Variants in PIGN observed in about 807,000 individuals in gnomAD.
PIGN encodes phosphatidylinositol glycan anchor biosynthesis class N, also known as GPI ethanolamine phosphate transferase 1.
In PIGN, 117 loss-of-function variants were observed where a neutral mutation model predicts 125.4. The observed-to-expected ratio is 0.93, with a 90% CI of 0.80 to 1.09. The LOEUF (loss-of-function observed/expected upper bound fraction) is 1.09. PIGN is among the 50% of genes least tolerant of loss of function. The pLI is 0.00. For missense variants in PIGN, 1,075 were observed against 1,094.9 expected, an observed-to-expected ratio of 0.98 and a Z score of 0.26; for synonymous variants, 392 against 377.8, an observed-to-expected ratio of 1.04 and a Z score of -0.44.
At chr18:62,167,075 A>T (rs761632548) in intron 1 of PIGN, among the ~76,000 whole-genome samples, 4 of 152,200 alleles carry the variant, frequency 2.6e-5, no homozygotes, top group Non-Finnish European at 5.9e-5. Flanking sequence ...AATAAAAAAT[A>T]AAATAAATAT....
At chr18:62,161,512 T>TTG in intron 3 of PIGN, 127 bp from the exon 4 acceptor site, 1 of 540,036 alleles carries the variant, frequency 1.9e-6, no homozygotes, top group Non-Finnish European at 3.3e-6. Context: ...CAACTTTACT[T>TTG]TCATTTGTGG....
intron 7 of PIGN, chr18:62,153,381 C>A (rs190679743): frequency 6.6e-6 from 1 of 151,938 alleles, no homozygotes; most frequent in Admixed American, 6.6e-5. Flanking sequence ...TGTTCACTAC[C>A]GTGTCAAGAC....
chr18:62,070,557 G>T lies in PIGN; in HGVS notation c.2672+2116C>A, dbSNP rs1480876513. ...GGATGTTTAACACATGGTGTCTCCT[G>T]CAAACCCATACAATTCCTGGCAACA... is the stretch of plus-strand genomic sequence containing the variant. On this transcript the variant is annotated intron_variant, in intron 30 of 30. Coordinates refer to ENST00000640252, the MANE Select transcript of PIGN (RefSeq NM_176787.5). 6 of 397,496 alleles carry T rather than the reference G, an allele frequency of 1.5e-5. No individual in the cohort carries two copies. The Admixed American group carries it at 2.6e-4, about 18-fold the overall frequency. 24.6% of individuals were successfully genotyped at this position (397,496 alleles called of 1,614,324 possible). A position where few individuals can be genotyped will look rare whatever the true frequency, so the allele number is the denominator to read the frequency against.
intron 1 of PIGN, among the ~76,000 whole-genome samples, chr18:62,170,875 C>T (rs2037322874): frequency 6.6e-6 from 1 of 152,184 alleles, no homozygotes; most frequent in Admixed American, 6.5e-5. Flanking sequence ...AGTCTTATTG[C>T]TGATATGAAG....
At chr18:62,021,794 G>T (rs994664178) in intron 23 of PIGN, among the ~76,000 whole-genome samples, 1 of 152,050 alleles carries the variant, frequency 6.6e-6, no homozygotes, top group African/African-American at 2.4e-5. Flanking sequence ...CAGAAGTTTG[G>T]GCATGGCAAG....
intron 30 of PIGN, among the ~76,000 whole-genome samples, chr18:62,059,689 G>T (rs1229888171): frequency 6.6e-6 from 1 of 152,108 alleles, no homozygotes; most frequent in Non-Finnish European, 1.5e-5. Context: ...GGTATTTTCT[G>T]TGTGATGGAA....
At chr18:62,068,989 T>C (rs2032686985) in intron 30 of PIGN, among the ~76,000 whole-genome samples, 1 of 152,204 alleles carries the variant, frequency 6.6e-6, no homozygotes, top group African/African-American at 2.4e-5. Flanking sequence ...CCATATGGCC[T>C]GCTCACGGAT....
At chr18:62,034,705 C>G (rs1450249343) in intron 23 of PIGN, among the ~76,000 whole-genome samples, 2 of 152,188 alleles carry the variant, frequency 1.3e-5, no homozygotes, top group Non-Finnish European at 2.9e-5. Flanking sequence ...CCATTTGAAA[C>G]AGGTGTATTT....
chr18:62,046,007 G>A (rs2030650681), intron 30 of PIGN, 28 bp from the exon 31 acceptor site: 4 of 1,604,220 alleles, frequency 2.5e-6, no homozygotes, highest in Non-Finnish European at 2.6e-6. Flanking sequence ...GATGTTACAG[G>A]CAGAGAGAAC....
intron 7 of PIGN, among the ~76,000 whole-genome samples, chr18:62,153,129 A>T (rs1384746858): frequency 1.3e-5 from 2 of 152,072 alleles, no homozygotes; most frequent in African/African-American, 4.8e-5. Flanking sequence ...GGCCTGCAAT[A>T]CCTTTCCATA....
chr18:62,072,118 A>T (rs2032914687), intron 30 of PIGN, among the ~76,000 whole-genome samples: 1 of 149,404 alleles, frequency 6.7e-6, no homozygotes, highest in African/African-American at 2.4e-5. Context: ...TTTAAAAAGT[A>T]AAAAAAAGTG....
intron 30 of PIGN, among the ~76,000 whole-genome samples, chr18:62,065,499 G>C (rs994116103): frequency 2.0e-5 from 3 of 152,184 alleles, no homozygotes; most frequent in African/African-American, 4.8e-5. Context: ...AGCACTTTGG[G>C]AGGCCGAGGC....
At position 62,041,652 on chromosome 18, in the gene PIGN, T is replaced by C. The variant is rs930713163; in HGVS notation, c.*4204A>G. The C allele has an allele frequency of 7.7e-6, 1 of 129,762 alleles. No homozygotes were observed. Among genetic ancestry groups the C allele is most frequent in the African/African-American group, 2.9e-5 (1 of 33,918 alleles). 8.0% of individuals were successfully genotyped at this position (129,762 alleles called of 1,614,324 possible). A position where few individuals can be genotyped will look rare whatever the true frequency, so the allele number is the denominator to read the frequency against. ...TACCACCCCGCCGGGTGTGTGTGTGTGTGTGTGTGTGTGTGTGTGTGTGTG... is the reference window on the plus strand; with the variant it reads ...TACCACCCCGCCGGGTGTGTGTGTGCGTGTGTGTGTGTGTGTGTGTGTGTG... On this transcript the variant is annotated 3_prime_UTR_variant, in exon 31 of 31. Transcript: ENST00000640252.
At position 62,126,792 on chromosome 18, in the gene PIGN, C is replaced by T. The variant is rs9946990; in HGVS notation, c.1172+11451G>A. Reference sequence around the variant, plus strand: ...AGATTTCCGATTGTCTATACAGTCACACCATGATGCTGTTCTACAGACAGC... The same window carrying T: ...AGATTTCCGATTGTCTATACAGTCATACCATGATGCTGTTCTACAGACAGC... On this transcript the variant is annotated intron_variant, in intron 14 of 30. Transcript: ENST00000640252. 1.0e-2 allele frequency among the ~76,000 whole-genome samples: 1,519 copies of T among 152,258 alleles called. 20 individuals are homozygous for T. The highest frequency in any genetic ancestry group is 0.049 in the East Asian group (252 of 5,182).
chr18:62,169,814 G>T (rs950105095), intron 1 of PIGN, among the ~76,000 whole-genome samples: 1 of 151,290 alleles, frequency 6.6e-6, no homozygotes, highest in Non-Finnish European at 1.5e-5. Flanking sequence ...GAGATGGGGG[G>T]ATCTCAGTAT....
At chr18:62,103,292 T>A (rs1014957869) in intron 20 of PIGN, among the ~76,000 whole-genome samples, 1 of 152,018 alleles carries the variant, frequency 6.6e-6, no homozygotes, top group Non-Finnish European at 1.5e-5. Flanking sequence ...ATTATCAGTA[T>A]CTACAACATG....
chr18:62,021,621 T>C lies in PIGN; in HGVS notation c.2143-3880A>G, dbSNP rs662432. Reference sequence around the variant, plus strand: ...TGGCAAACATGCTGCTACTCCTCTCTGGAGACAGGTGCCCCCACCAGGATT... The same window carrying C: ...TGGCAAACATGCTGCTACTCCTCTCCGGAGACAGGTGCCCCCACCAGGATT... On this transcript the variant is annotated intron_variant, in intron 23 of 24. Coordinates refer to the PIGN transcript ENST00000639600. 6.9e-3 allele frequency among the ~76,000 whole-genome samples: 1,046 copies of C among 152,350 alleles called. 10 individuals are homozygous for C. Among genetic ancestry groups the C allele is most frequent in the African/African-American group, 0.024 (1,000 of 41,592 alleles).
chr18:62,109,035 C>G (rs1046852258), intron 17 of PIGN, among the ~76,000 whole-genome samples: 1 of 152,198 alleles, frequency 6.6e-6, no homozygotes, highest in African/African-American at 2.4e-5. Flanking sequence ...ATAATAGGCT[C>G]TCATTCTTTC....
chr18:62,138,386 G>A, intron 13 of PIGN, 88 bp from the exon 14 acceptor site: 2 of 1,442,548 alleles, frequency 1.4e-6, no homozygotes, highest in Non-Finnish European at 1.8e-6. Context: ...GATTCTTTAG[G>A]GATGGTTAAC....
Sources: allele counts gnomAD v4.1 joint callset (sites outside exome capture counted in the v4.1 genomes callset), GRCh38; gene constraint gnomAD v4.1.1; transcripts MANE v1.5; gene names NCBI Gene and HGNC (gene_info 2026-07-23, HGNC 2026-07-21).